Variants in MAD1L1 observed in about 807,000 individuals in gnomAD.
The protein encoded by MAD1L1 is mitotic spindle assembly checkpoint protein MAD1.
MAD1L1 carries 95 observed loss-of-function variants against 96.9 expected under a neutral mutation model. The ratio of observed to expected loss-of-function variants is 0.98; its 90% CI spans 0.83 to 1.16. The LOEUF is 1.16. Ranked by LOEUF, MAD1L1 falls within the 50% of genes most tolerant of loss-of-function variation. The pLI is 0.00. For missense variants in MAD1L1, 1,007 were observed against 954.4 expected, an observed-to-expected ratio of 1.06 and a Z score of -0.73; for synonymous variants, 473 against 396.6, an observed-to-expected ratio of 1.19 and a Z score of -2.29.
At chr7:1,881,404 A>T (rs1785674355) in intron 18 of MAD1L1, among the ~76,000 whole-genome samples, 1 of 152,196 alleles carries the variant, frequency 6.6e-6, no homozygotes, top group Non-Finnish European at 1.5e-5. Flanking sequence ...CAATTAATTA[A>T]TTTTATCCAA....
rs1464926904 is a variant in MAD1L1 at position 1,843,966 on chromosome 7, T to C, written c.1999-27738A>G. On this transcript the variant is annotated intron_variant, in intron 18 of 18. Coordinates refer to ENST00000265854, the MANE Select transcript of MAD1L1 (RefSeq NM_001013836.2). ...GGGGACACTCAGAAGTTTGGTTTCT[T>C]CTGAGGGGCCTGAGCACACACTCAG... is the stretch of plus-strand genomic sequence containing the variant. Among the ~76,000 whole-genome samples, 3 of 152,246 alleles carry C rather than the reference T, an allele frequency of 2.0e-5. 1 individual carries two copies. In the East Asian group the frequency reaches 5.8e-4, roughly 29 times the overall value.
At chr7:2,164,193 T>C (rs2128590492) in intron 10 of MAD1L1, among the ~76,000 whole-genome samples, 2 of 152,342 alleles carry the variant, frequency 1.3e-5, no homozygotes, top group Middle Eastern at 3.4e-3. Context: ...TATTTCTCTA[T>C]CCACTGGCCT....
chr7:2,151,127 G>A (rs1789549481), intron 10 of MAD1L1, among the ~76,000 whole-genome samples: 1 of 152,214 alleles, frequency 6.6e-6, no homozygotes, highest in Admixed American at 6.5e-5. Flanking sequence ...ACGAAAGTAA[G>A]GAAACCTTTC....
At chr7:1,966,786 A>G (rs2128477742) in intron 15 of MAD1L1, among the ~76,000 whole-genome samples, 1 of 152,368 alleles carries the variant, frequency 6.6e-6, no homozygotes, top group Middle Eastern at 3.4e-3. Context: ...GGTGAGGAGG[A>G]GGAACGCCGC....
At chr7:1,926,087 C>T (rs994544866) in intron 17 of MAD1L1, among the ~76,000 whole-genome samples, 1 of 152,098 alleles carries the variant, frequency 6.6e-6, no homozygotes, top group Non-Finnish European at 1.5e-5. Context: ...CCGCTACGAA[C>T]CCAGCAGGCA....
intron 16 of MAD1L1, among the ~76,000 whole-genome samples, chr7:1,945,652 G>T (rs920527687): frequency 3.3e-5 from 5 of 152,214 alleles, no homozygotes; most frequent in African/African-American, 1.2e-4. Flanking sequence ...GGCCCGGCCA[G>T]TGCTCTGTGA....
rs578029108 is a variant in MAD1L1, at chr7:2,150,373, C to T, written c.987-1135G>A. Among the ~76,000 whole-genome samples the T allele has an allele frequency of 3.2e-4, 48 of 152,318 alleles. No individual in the cohort carries two copies. The Middle Eastern group carries it at 0.017, about 54-fold the overall frequency. On this transcript the variant is annotated intron_variant, in intron 10 of 18. Transcript: ENST00000265854. ...TAAAACGCGCACGCTGCAAACCTCACGCACTGGGCCCGACCAGACTCTGCC... is the reference window on the plus strand; with the variant it reads ...TAAAACGCGCACGCTGCAAACCTCATGCACTGGGCCCGACCAGACTCTGCC...
At chr7:2,149,034 G>C in intron 11 of MAD1L1, 118 bp downstream of exon 11, 1 of 870,996 alleles carries the variant, frequency 1.1e-6, no homozygotes, top group South Asian at 1.5e-5. Context: ...CCAGACCAGG[G>C]CCAACCACAT....
intron 10 of MAD1L1, among the ~76,000 whole-genome samples, chr7:2,206,180 T>C (rs1175846991): frequency 1.3e-5 from 2 of 152,202 alleles, no homozygotes; most frequent in Middle Eastern, 3.2e-3. Flanking sequence ...CTTTTGACCA[T>C]TTTTTAAACT....
At chr7:1,967,904 C>T (rs973548824) in intron 15 of MAD1L1, among the ~76,000 whole-genome samples, 1 of 147,786 alleles carries the variant, frequency 6.8e-6, no homozygotes, top group Non-Finnish European at 1.5e-5. Flanking sequence ...ACAGAGCACG[C>T]GGGAAACTCC....
chr7:2,162,379 C>T (rs1471729166), intron 10 of MAD1L1, among the ~76,000 whole-genome samples: 1 of 152,034 alleles, frequency 6.6e-6, no homozygotes, highest in East Asian at 1.9e-4. Context: ...TAAACAGATG[C>T]TTGAAGGCAG....
chr7:1,958,408 T>TA lies in MAD1L1; in HGVS notation c.1506-690dup, dbSNP rs780901735. On this transcript the variant is annotated intron_variant, in intron 15 of 18. Transcript: ENST00000265854. ...AAAACATATTCATGTGGTTTAAAAA[T>TA]AAAAAAAGTCTGTCAAGGCCTGTAG... Among the ~76,000 whole-genome samples, 8 of 152,182 alleles carry TA rather than the reference T, an allele frequency of 5.3e-5. No individual in the cohort carries two copies. In the South Asian group the frequency reaches 1.0e-3, roughly 20 times the overall value.
At chr7:1,970,546 C>T (rs988594241) in intron 15 of MAD1L1, among the ~76,000 whole-genome samples, 6 of 152,066 alleles carry the variant, frequency 3.9e-5, no homozygotes, top group African/African-American at 1.2e-4. Flanking sequence ...GTTGGCCAGG[C>T]TGGTCTCAAT....
chr7:1,999,378 G>A (rs554665868), intron 14 of MAD1L1, among the ~76,000 whole-genome samples: 6 of 152,248 alleles, frequency 3.9e-5, no homozygotes, highest in South Asian at 4.1e-4. Context: ...TTTTCCCTCC[G>A]CTGAGCAAAG....
At chr7:2,158,942 C>A (rs1382432554) in intron 10 of MAD1L1, among the ~76,000 whole-genome samples, 1 of 150,534 alleles carries the variant, frequency 6.6e-6, no homozygotes, top group Non-Finnish European at 1.5e-5. Context: ...TCAGAGGAAC[C>A]CCAAGTCAGG....
At chr7:2,216,331 G>A (rs540453698) in intron 7 of MAD1L1, 44 bp from the exon 8 acceptor site, 13 of 1,592,806 alleles carry the variant, frequency 8.2e-6, no homozygotes, top group East Asian at 6.7e-5. Flanking sequence ...AATGAGCCAC[G>A]AAGAGACCTG....
rs543979298 is a variant in MAD1L1 at position 1,954,087 on chromosome 7, G to A, written c.1596+3542C>T. ...CTCACTGTGGGTCCTGCCCCAGCTCGGTGCCCTCCATCCCCGCATGTGGCC... is the reference window on the plus strand; with the variant it reads ...CTCACTGTGGGTCCTGCCCCAGCTCAGTGCCCTCCATCCCCGCATGTGGCC... On this transcript the variant is annotated intron_variant, in intron 16 of 18. Transcript: ENST00000265854. Among the ~76,000 whole-genome samples the A allele has an allele frequency of 2.6e-5, 4 of 152,156 alleles. No homozygotes were observed. The South Asian group carries it at 6.2e-4, about 24-fold the overall frequency.
At position 1,980,523 on chromosome 7, in the gene MAD1L1, T is replaced by C; in HGVS notation, c.1435A>G (p.Met479Val). 1 of 1,607,852 alleles carries C rather than the reference T, an allele frequency of 6.2e-7. No individual in the cohort carries two copies. Among genetic ancestry groups the C allele is most frequent in the Non-Finnish European group, 8.5e-7 (1 of 1,179,114 alleles). ...GCAGAGCTGGACTGAGACTTCAGCA[T>C]CTTCAGCTCCATCTCCAGCTAGGAG... The part of the protein sequence containing the change: ...RADMLEMELK[M>V]LKSQSSSAEQ... The change falls in exon 15 of 19, where the codon ATG becomes GTG. Residue 479 changes from methionine to valine, a missense_variant. Coordinates refer to ENST00000265854, the MANE Select transcript of MAD1L1 (RefSeq NM_001013836.2).
At chr7:1,980,639 C>G in intron 14 of MAD1L1, 98 bp from the exon 15 acceptor site, 1 of 945,746 alleles carries the variant, frequency 1.1e-6, no homozygotes, top group Non-Finnish European at 1.7e-6. Context: ...CTGGCAGCAC[C>G]CCCGCCCTGG....
Sources: allele counts gnomAD v4.1 joint callset (sites outside exome capture counted in the v4.1 genomes callset), GRCh38; gene constraint gnomAD v4.1.1; transcripts MANE v1.5; gene names NCBI Gene and HGNC (gene_info 2026-07-23, HGNC 2026-07-21).